CACNG2: variants seen among roughly 807,000 people sequenced by gnomAD.
The protein encoded by CACNG2 is voltage-dependent calcium channel gamma-2 subunit.
In CACNG2, 3 loss-of-function variants were observed where a neutral mutation model predicts 25.9. The observed-to-expected ratio is 0.12, with a 90% CI of 0.05 to 0.30. The LOEUF (loss-of-function observed/expected upper bound fraction) is 0.30, where lower values mean the gene tolerates loss of function less well. CACNG2 is among the 10% of genes least tolerant of loss of function. CACNG2 has a pLI of 1.00. For missense variants in CACNG2, 341 were observed against 432.5 expected, an observed-to-expected ratio of 0.79 and a Z score of 1.88; for synonymous variants, 167 against 173.3, an observed-to-expected ratio of 0.96 and a Z score of 0.29.
At chr22:36,664,547 T>C (rs1362353401) in intron 1 of CACNG2, among the ~76,000 whole-genome samples, 1 of 152,182 alleles carries the variant, frequency 6.6e-6, no homozygotes, top group Non-Finnish European at 1.5e-5. Flanking sequence ...GGGATCTAAA[T>C]GCCAGGGAGA....
chr22:36,587,982 T>C, intron 1 of CACNG2, among the ~76,000 whole-genome samples: 1 of 152,224 alleles, frequency 6.6e-6, no homozygotes, highest in East Asian at 1.9e-4. Context: ...CCCGCACTGG[T>C]GCTGCCAGAT....
intron 1 of CACNG2, among the ~76,000 whole-genome samples, chr22:36,627,279 C>CATGT (rs3220939): frequency 7.6e-6 from 1 of 131,148 alleles, no homozygotes; most frequent in Non-Finnish European, 1.6e-5. Flanking sequence ...AGAGTGGGGA[C>CATGT]GTGTGTGTGT....
At chr22:36,670,960 C>T (rs927312538) in intron 1 of CACNG2, among the ~76,000 whole-genome samples, 7 of 151,188 alleles carry the variant, frequency 4.6e-5, no homozygotes, top group African/African-American at 1.7e-4. Context: ...TGCTCTCTCA[C>T]CAGGCTGGAG....
At chr22:36,662,083 A>G (rs1044735370) in intron 1 of CACNG2, among the ~76,000 whole-genome samples, 1 of 144,366 alleles carries the variant, frequency 6.9e-6, no homozygotes, top group East Asian at 2.1e-4. Flanking sequence ...AGGTCAAGCA[A>G]TTCTCCTGCC....
intron 1 of CACNG2, among the ~76,000 whole-genome samples, chr22:36,612,324 A>G (rs1013703555): frequency 6.6e-6 from 1 of 152,232 alleles, no homozygotes; most frequent in African/African-American, 2.4e-5. Flanking sequence ...TACTTTATGC[A>G]TAGTAGGGAT....
At chr22:36,604,742 G>A (rs1316310384) in intron 1 of CACNG2, among the ~76,000 whole-genome samples, 1 of 152,180 alleles carries the variant, frequency 6.6e-6, no homozygotes, top group Non-Finnish European at 1.5e-5. Context: ...CAGACATAAT[G>A]CTATTGCACA....
At chr22:36,680,941 C>G (rs968366265) in intron 1 of CACNG2, among the ~76,000 whole-genome samples, 1 of 151,696 alleles carries the variant, frequency 6.6e-6, no homozygotes. Context: ...TGATTCTGGC[C>G]TTTATGTCTC....
intron 1 of CACNG2, among the ~76,000 whole-genome samples, chr22:36,685,168 G>A (rs908051895): frequency 6.6e-6 from 1 of 152,126 alleles, no homozygotes; most frequent in Admixed American, 6.5e-5. Context: ...TTCTGGGGGC[G>A]GCAGGGGGTG....
chr22:36,565,828 C>T (rs193189778), intron 3 of CACNG2, among the ~76,000 whole-genome samples: 76 of 152,218 alleles, frequency 5.0e-4, no homozygotes, highest in African/African-American at 1.6e-3. Context: ...CAGGCTACAC[C>T]CAGGTTCTTT....
chr22:36,660,251 A>T (rs1050579103), intron 1 of CACNG2, among the ~76,000 whole-genome samples: 1 of 152,186 alleles, frequency 6.6e-6, no homozygotes, highest in Non-Finnish European at 1.5e-5. Flanking sequence ...TGCTCAGCAA[A>T]TATTTGCCAA....
At chr22:36,576,341 A>C (rs563877582) in intron 2 of CACNG2, among the ~76,000 whole-genome samples, 1 of 152,320 alleles carries the variant, frequency 6.6e-6, no homozygotes, top group African/African-American at 2.4e-5. Context: ...ATGCAAAGGC[A>C]TAAGAATGAT....
At chr22:36,645,314 G>A (rs1013822756) in intron 1 of CACNG2, among the ~76,000 whole-genome samples, 1 of 152,004 alleles carries the variant, frequency 6.6e-6, no homozygotes, top group African/African-American at 2.4e-5. Flanking sequence ...GAGACGGGCG[G>A]ATCACGAGAT....
At chr22:36,662,578 CTG>C (rs1310346410) in intron 1 of CACNG2, among the ~76,000 whole-genome samples, 1 of 152,222 alleles carries the variant, frequency 6.6e-6, no homozygotes, top group East Asian at 1.9e-4. Flanking sequence ...CCTGACTCAG[CTG>C]TGTGTGTTCT....
chr22:36,634,929 G>A (rs1936330999), intron 1 of CACNG2, among the ~76,000 whole-genome samples: 1 of 152,176 alleles, frequency 6.6e-6, no homozygotes, highest in African/African-American at 2.4e-5. Flanking sequence ...GCCTGGTTAG[G>A]GAAGACTTAA....
At chr22:36,697,843 G>A (rs752237996) in intron 1 of CACNG2, among the ~76,000 whole-genome samples, 33 of 152,314 alleles carry the variant, frequency 2.2e-4, no homozygotes, top group South Asian at 8.3e-4. Flanking sequence ...CTGTTCTGGG[G>A]AATATTAAGA....
intron 1 of CACNG2, among the ~76,000 whole-genome samples, chr22:36,609,361 GCCC>G (rs1421514433): frequency 7.7e-6 from 1 of 129,446 alleles, no homozygotes. Flanking sequence ...GCAGGAATCA[GCCC>G]CCCAGAGCGT....
chr22:36,675,581 C>T (rs535880252), intron 1 of CACNG2, among the ~76,000 whole-genome samples: 1 of 152,338 alleles, frequency 6.6e-6, no homozygotes, highest in South Asian at 2.1e-4. Flanking sequence ...ATGTCCCATT[C>T]AACAGCCACA....
At chr22:36,698,143 C>G (rs1323774253) in intron 1 of CACNG2, among the ~76,000 whole-genome samples, 2 of 152,044 alleles carry the variant, frequency 1.3e-5, no homozygotes, top group African/African-American at 2.4e-5. Context: ...TTCTCTCCCT[C>G]TCTCCTTTCT....
At chr22:36,601,824 G>T (rs73171822) in intron 1 of CACNG2, among the ~76,000 whole-genome samples, 29,477 of 151,914 alleles carry the variant, frequency 0.19, 3,332 homozygotes, top group East Asian at 0.31. Context: ...ATTTCCTTTG[G>T]GTATATACCA....
Sources: allele counts gnomAD v4.1 joint callset (sites outside exome capture counted in the v4.1 genomes callset), GRCh38; gene constraint gnomAD v4.1.1; transcripts MANE v1.5; gene names NCBI Gene and HGNC (gene_info 2026-07-23, HGNC 2026-07-21).